Variants in GABRB2 observed in about 807,000 individuals in gnomAD.
The protein encoded by GABRB2 is gamma-aminobutyric acid receptor subunit beta-2.
In GABRB2, 16 loss-of-function variants were observed where a neutral mutation model predicts 54.7. The observed-to-expected ratio is 0.29, with a 90% confidence interval of 0.20 to 0.44. The LOEUF (loss-of-function observed/expected upper bound fraction) is 0.44. GABRB2 is among the 20% of genes least tolerant of loss of function. The pLI is 1.00. For synonymous variants in GABRB2, 244 were observed against 233.8 expected (o/e 1.04, Z -0.40); for missense variants, 355 against 644.0 (o/e 0.55, Z 4.86).
intron 5 of GABRB2, among the ~76,000 whole-genome samples, chr5:161,348,377 A>T (rs1754378861): frequency 6.6e-6 from 1 of 152,088 alleles, no homozygotes. Context: ...ATTTCTGTAA[A>T]TCTCCTTAAT....
intron 3 of GABRB2, among the ~76,000 whole-genome samples, chr5:161,503,927 G>A (rs1759525018): frequency 6.6e-6 from 1 of 151,926 alleles, no homozygotes; most frequent in African/African-American, 2.4e-5. Flanking sequence ...TGACAAATTA[G>A]ACTTCTACAT....
intron 9 of GABRB2, among the ~76,000 whole-genome samples, chr5:161,307,346 G>A (rs1298700130): frequency 1.3e-5 from 2 of 152,070 alleles, no homozygotes; most frequent in African/African-American, 4.8e-5. Context: ...TCACTGCGAG[G>A]GCAAGGCACA....
At chr5:161,525,093 C>G (rs1008585089) in intron 3 of GABRB2, among the ~76,000 whole-genome samples, 15 of 151,398 alleles carry the variant, frequency 9.9e-5, no homozygotes, top group African/African-American at 3.4e-4. Flanking sequence ...GCCATATAGT[C>G]TCTCTTCTAG....
chr5:161,455,192 C>T (rs926312199), intron 4 of GABRB2, among the ~76,000 whole-genome samples: 8 of 152,056 alleles, frequency 5.3e-5, no homozygotes, highest in Non-Finnish European at 1.2e-4. Flanking sequence ...TCTTGTGCAC[C>T]ATCAGAAGCA....
At chr5:161,544,145 C>T (rs922650232) in intron 3 of GABRB2, among the ~76,000 whole-genome samples, 1 of 152,090 alleles carries the variant, frequency 6.6e-6, no homozygotes, top group Non-Finnish European at 1.5e-5. Flanking sequence ...TTTTCAAGTC[C>T]TGAGGGGTGG....
intron 5 of GABRB2, among the ~76,000 whole-genome samples, chr5:161,376,670 G>GCAGTAAAACATAATAATCC (rs1755312077): frequency 6.6e-6 from 1 of 152,024 alleles, no homozygotes; most frequent in South Asian, 2.1e-4. Flanking sequence ...TATCTTATCT[G>GCAGTAAAACATAATAATCC]CAGTAAAACA....
intron 4 of GABRB2, among the ~76,000 whole-genome samples, chr5:161,412,767 C>G (rs1412378211): frequency 3.3e-5 from 5 of 152,186 alleles, no homozygotes; most frequent in Non-Finnish European, 7.3e-5. Flanking sequence ...CTCCTGATCC[C>G]TCAGTTAAAA....
intron 3 of GABRB2, among the ~76,000 whole-genome samples, chr5:161,534,541 G>T (rs1760570529): frequency 2.0e-5 from 3 of 152,090 alleles, no homozygotes; most frequent in African/African-American, 7.2e-5. Flanking sequence ...TACTTCCCTT[G>T]TCTATTTTCA....
intron 5 of GABRB2, among the ~76,000 whole-genome samples, chr5:161,390,133 T>C (rs1321625846): frequency 1.3e-5 from 2 of 152,048 alleles, no homozygotes; most frequent in Non-Finnish European, 2.9e-5. Context: ...AATAGATAAT[T>C]AGGCCAGTTT....
chr5:161,477,448 G>A (rs1245909827), intron 3 of GABRB2, among the ~76,000 whole-genome samples: 1 of 151,824 alleles, frequency 6.6e-6, no homozygotes, highest in African/African-American at 2.4e-5. Context: ...AGCAAGCCAA[G>A]TTCTGGCTAT....
intron 3 of GABRB2, among the ~76,000 whole-genome samples, chr5:161,533,936 T>C (rs1245756144): frequency 6.6e-6 from 1 of 152,120 alleles, no homozygotes; most frequent in Admixed American, 6.6e-5. Context: ...GAAGGTAATA[T>C]AGGCAAGTGA....
At chr5:161,312,260 G>A (rs1045284130) in intron 9 of GABRB2, among the ~76,000 whole-genome samples, 1 of 152,092 alleles carries the variant, frequency 6.6e-6, no homozygotes, top group Admixed American at 6.5e-5. Flanking sequence ...CAACTCCCTT[G>A]TTAGAATTCT....
intron 5 of GABRB2, among the ~76,000 whole-genome samples, chr5:161,378,507 C>A (rs1231643547): frequency 6.6e-6 from 1 of 151,922 alleles, no homozygotes; most frequent in East Asian, 1.9e-4. Context: ...TTTTTTGTTT[C>A]TTACTTGTTT....
At chr5:161,513,489 T>C (rs912654612) in intron 3 of GABRB2, among the ~76,000 whole-genome samples, 10 of 152,134 alleles carry the variant, frequency 6.6e-5, no homozygotes, top group Non-Finnish European at 4.4e-5. Flanking sequence ...GCAACATGGA[T>C]GCAGCTGGAG....
At chr5:161,352,499 A>C (rs1476365556) in intron 5 of GABRB2, among the ~76,000 whole-genome samples, 1 of 152,076 alleles carries the variant, frequency 6.6e-6, no homozygotes, top group African/African-American at 2.4e-5. Flanking sequence ...GTGGAATCTA[A>C]AAAGTTGAAC....
chr5:161,408,545 T>G (rs1580960468), intron 5 of GABRB2, among the ~76,000 whole-genome samples: 1 of 152,108 alleles, frequency 6.6e-6, no homozygotes, highest in East Asian at 1.9e-4. Flanking sequence ...TAATGTTCCC[T>G]GACTCCAAGC....
chr5:161,512,020 ATAT>A (rs142435015), intron 3 of GABRB2, among the ~76,000 whole-genome samples: 28,215 of 151,848 alleles, frequency 0.19, 3,345 homozygotes, highest in Non-Finnish European at 0.27. Context: ...TTCAAACAGC[ATAT>A]TATAACAACA....
chr5:161,416,799 T>C (rs941646305), intron 4 of GABRB2, among the ~76,000 whole-genome samples: 2 of 151,236 alleles, frequency 1.3e-5, no homozygotes, highest in Admixed American at 6.6e-5. Flanking sequence ...TTGCTCAAAA[T>C]GTGCATTTAC....
Position 161,411,825 on chromosome 5 carries a change from T to C in GABRB2, c.459-768A>G, listed in dbSNP as rs1351957171. 3.9e-5 allele frequency among the ~76,000 whole-genome samples: 6 copies of C among 151,956 alleles called. 1 individual carries two copies. Among genetic ancestry groups the C allele is most frequent in the Non-Finnish European group, 7.4e-5 (5 of 67,998 alleles). On this transcript the variant is annotated intron_variant, in intron 4 of 9. Transcript: ENST00000393959. ...TATACATTTAGAGTTTATATATATATATATATGAGTTATCAAGGTATGTTT... is the reference window on the plus strand; with the variant it reads ...TATACATTTAGAGTTTATATATATACATATATGAGTTATCAAGGTATGTTT...
Sources: allele counts gnomAD v4.1 joint callset (sites outside exome capture counted in the v4.1 genomes callset), GRCh38; gene constraint gnomAD v4.1.1; transcripts MANE v1.5; gene names NCBI Gene and HGNC (gene_info 2026-07-23, HGNC 2026-07-21).